The following TRIM55 variants were observed in gnomAD, a reference collection of about 807,000 sequenced individuals.
TRIM55 encodes tripartite motif-containing protein 55.
A neutral mutation model predicts 60.9 loss-of-function variants in TRIM55; 50 were observed. That is an observed-to-expected ratio of 0.82 (90% CI 0.65 to 1.04). The LOEUF (loss-of-function observed/expected upper bound fraction) is 1.04. TRIM55 is among the 50% of genes least tolerant of loss of function. TRIM55 has a pLI of 0.00. For synonymous variants in TRIM55, 237 were observed against 238.1 expected, an observed-to-expected ratio of 1.00 and a Z score of 0.04; for missense variants, 681 against 666.9, an observed-to-expected ratio of 1.02 and a Z score of -0.23.
At chr8:66,162,730 G>A (rs1036739061) in intron 9 of TRIM55, among the ~76,000 whole-genome samples, 1 of 151,808 alleles carries the variant, frequency 6.6e-6, no homozygotes, top group African/African-American at 2.4e-5. Context: ...TTTTTGAGGA[G>A]TAAACATTTT....
chr8:66,142,057 C>T lies in TRIM55; in HGVS notation c.603+4867C>T, dbSNP rs542549207. On this transcript the variant is annotated intron_variant, in intron 4 of 9. Transcript: ENST00000315962. ...CATGTTACTTAAGCTTCCTGTCTCT[C>T]GGCTTCCTCAGCGTTACAGTGGGGA... Among the ~76,000 whole-genome samples, 7 of 152,306 alleles carry T rather than the reference C, an allele frequency of 4.6e-5. No homozygotes were observed. The South Asian group carries it at 6.2e-4, about 14-fold the overall frequency.
intron 2 of TRIM55, among the ~76,000 whole-genome samples, chr8:66,131,448 T>C: frequency 6.6e-6 from 1 of 152,202 alleles, no homozygotes; most frequent in Admixed American, 6.5e-5. Flanking sequence ...ATTTTTCAAT[T>C]TTAGACATTT....
At chr8:66,156,856 C>A (rs968969926) in intron 9 of TRIM55, among the ~76,000 whole-genome samples, 1 of 152,164 alleles carries the variant, frequency 6.6e-6, no homozygotes, top group Non-Finnish European at 1.5e-5. Flanking sequence ...CAGCTGGAAA[C>A]CTGTGCACCC....
intron 1 of TRIM55, among the ~76,000 whole-genome samples, chr8:66,127,984 C>A (rs1209488658): frequency 6.6e-6 from 1 of 151,918 alleles, no homozygotes; most frequent in African/African-American, 2.4e-5. Flanking sequence ...TTTTTTAAGT[C>A]AAACCATTTA....
intron 2 of TRIM55, among the ~76,000 whole-genome samples, chr8:66,131,810 C>A (rs1213550849): frequency 6.6e-6 from 1 of 152,162 alleles, no homozygotes; most frequent in Non-Finnish European, 1.5e-5. Context: ...AACTAAGATG[C>A]AACTCAAGTA....
chr8:66,120,791 A>C, the TRIM55 span, among the ~76,000 whole-genome samples: 1 of 152,200 alleles, frequency 6.6e-6, no homozygotes, highest in African/African-American at 2.4e-5. Context: ...TTTGGCTCTA[A>C]TAAAACTGTA....
At chr8:66,127,083 C>T (rs777159303), upstream of TRIM55, 2 of 558,070 alleles carry the variant, frequency 3.6e-6, no homozygotes, top group Non-Finnish European at 6.2e-6. Context: ...CCCACCGTCA[C>T]GTGACCGCAG....
chr8:66,135,208 G>A, intron 3 of TRIM55, 53 bp downstream of exon 3: 1 of 1,597,114 alleles, frequency 6.3e-7, no homozygotes, highest in Non-Finnish European at 8.6e-7. Context: ...CCACACCTTA[G>A]GGCCTTCCTG....
At chr8:66,155,849 T>A (rs1356631952) in intron 9 of TRIM55, 1 of 647,968 alleles carries the variant, frequency 1.5e-6, no homozygotes, top group Non-Finnish European at 2.7e-6. Flanking sequence ...TCTCAGATTA[T>A]ACTGGAGGCC....
intron 4 of TRIM55, among the ~76,000 whole-genome samples, chr8:66,140,023 T>C (rs1422317171): frequency 9.9e-5 from 15 of 152,212 alleles, no homozygotes; most frequent in Non-Finnish European, 2.2e-4. Context: ...ATGTATTACA[T>C]TTTCCCATAG....
chr8:66,154,020 C>G (rs375632162), intron 8 of TRIM55, 27 bp from the exon 9 acceptor site: 21 of 1,526,760 alleles, frequency 1.4e-5, no homozygotes, highest in Non-Finnish European at 1.8e-5. Flanking sequence ...TTTTTCTTTA[C>G]TTTTGAATTT....
Position 66,174,464 on chromosome 8 carries a change from A to C in TRIM55, c.1525-7A>C, listed in dbSNP as rs1333931165. The C allele has an allele frequency of 1.2e-6, 2 of 1,610,274 alleles. No individual in the cohort carries two copies. Among genetic ancestry groups the C allele is most frequent in the Non-Finnish European group, 1.7e-6 (2 of 1,178,752 alleles). On this transcript the variant is annotated splice_region_variant and splice_polypyrimidine_tract_variant and intron_variant, in intron 9 of 9. Transcript: ENST00000315962. The stretch of plus-strand genomic sequence containing the variant: ...TTTTCTCTGATTCCCATTTTCTTCC[A>C]TTGCAGATTGGATTTGAGGCTCCTC...
intron 2 of TRIM55, among the ~76,000 whole-genome samples, chr8:66,134,166 A>G (rs1314278890): frequency 6.6e-6 from 1 of 152,256 alleles, no homozygotes; most frequent in Middle Eastern, 3.2e-3. Flanking sequence ...ATAGCAACAA[A>G]ACAAAATGTA....
Position 66,150,233 on chromosome 8 carries a change from T to G in TRIM55, c.854T>G (p.Leu285Arg). The change falls in exon 6 of 10, where the codon CTA (leucine) becomes CGA (arginine). Residue 285 changes from leucine (L) to arginine (R), a missense_variant. Physicochemically the swap from Leu to Arg is moderately radical, Grantham distance 102 (BLOSUM62 -2). Transcript: ENST00000315962. ...AVFLQNAKTL[L>R]KKISEASKAF... ...CTTTCACAGAATGCCAAAACCCTGC[T>G]AAAAAAGTAAGAACTTTTTATTTTA... is the stretch of plus-strand genomic sequence containing the variant. The G allele has an allele frequency of 6.2e-7, 1 of 1,613,172 alleles. No individual in the cohort carries two copies. The highest frequency in any genetic ancestry group is 8.5e-7 in the Non-Finnish European group (1 of 1,179,490).
chr8:66,171,009 C>T (rs1222125472), intron 9 of TRIM55, among the ~76,000 whole-genome samples: 1 of 152,192 alleles, frequency 6.6e-6, no homozygotes, highest in African/African-American at 2.4e-5. Flanking sequence ...CAGTGTTTGC[C>T]TAACCCAAAC....
At chr8:66,114,079 G>GA in the TRIM55 span, among the ~76,000 whole-genome samples, 1 of 53,764 alleles carries the variant, frequency 1.9e-5, no homozygotes, top group African/African-American at 5.8e-5. Flanking sequence ...TCGAAGGAGA[G>GA]ACACCCCCCC....
intron 9 of TRIM55, among the ~76,000 whole-genome samples, chr8:66,166,221 T>C (rs2128985609): frequency 6.6e-6 from 1 of 152,310 alleles, no homozygotes; most frequent in African/African-American, 2.4e-5. Flanking sequence ...TGTATCCATT[T>C]TAAAGAGGAA....
In TRIM55 at chr8:66,138,383, T is replaced by C. The variant is rs1809606573; in HGVS notation, c.603+1193T>C. ...ACTTTTTAAAAAACTAAGCATTATG[T>C]TTTTGGGGTTTTTGTTTGTTTTTTG... is the stretch of plus-strand genomic sequence containing the variant. On this transcript the variant is annotated intron_variant, in intron 4 of 9. Transcript: ENST00000315962. Among the ~76,000 whole-genome samples the C allele has an allele frequency of 2.0e-5, 3 of 152,124 alleles. No individual in the cohort carries two copies. The South Asian group carries it at 6.2e-4, about 32-fold the overall frequency.
At chr8:66,159,673 T>C (rs1810939376) in intron 9 of TRIM55, among the ~76,000 whole-genome samples, 1 of 152,250 alleles carries the variant, frequency 6.6e-6, no homozygotes, top group African/African-American at 2.4e-5. Flanking sequence ...AAGAGAGCTC[T>C]ACCTACTCTA....
Sources: allele counts gnomAD v4.1 joint callset (sites outside exome capture counted in the v4.1 genomes callset), GRCh38; gene constraint gnomAD v4.1.1; transcripts MANE v1.5; gene names NCBI Gene and HGNC (gene_info 2026-07-23, HGNC 2026-07-21).